Variants in NTN4 observed in about 807,000 individuals in gnomAD.
NTN4 encodes the protein netrin 4.
In NTN4, 32 loss-of-function variants were observed where a neutral mutation model predicts 73.6. The observed-to-expected ratio is 0.44, with a 90% CI of 0.33 to 0.58. The LOEUF (loss-of-function observed/expected upper bound fraction) is 0.58, where lower values mean the gene tolerates loss of function less well. Among genes scored for constraint, NTN4 ranks in the 20% least tolerant of loss-of-function variants. The pLI, the probability that NTN4 is intolerant of heterozygous loss-of-function variation, is 0.04. For synonymous variants in NTN4, 258 were observed against 287.5 expected (o/e 0.90, Z 1.04); for missense variants, 654 against 798.3 (o/e 0.82, Z 2.18).
intron 2 of NTN4, among the ~76,000 whole-genome samples, chr12:95,758,106 G>A (rs1037352277): frequency 6.6e-6 from 1 of 152,200 alleles, no homozygotes; most frequent in African/African-American, 2.4e-5. Flanking sequence ...CTTAGGAGAG[G>A]AATTGCTAGG....
intron 4 of NTN4, among the ~76,000 whole-genome samples, chr12:95,710,992 A>C (rs923308864): frequency 3.3e-5 from 5 of 152,216 alleles, no homozygotes; most frequent in Non-Finnish European, 7.3e-5. Flanking sequence ...TCTCAAAATA[A>C]ATAAATAAAT....
intron 2 of NTN4, among the ~76,000 whole-genome samples, chr12:95,777,941 C>T (rs551535753): frequency 4.5e-4 from 68 of 152,106 alleles, no homozygotes; most frequent in African/African-American, 1.6e-3. Context: ...TGTAAAAGAA[C>T]AGAAATTATA....
intron 2 of NTN4, among the ~76,000 whole-genome samples, chr12:95,742,292 G>T (rs911122802): frequency 1.2e-4 from 18 of 151,796 alleles, no homozygotes; most frequent in African/African-American, 4.4e-4. Flanking sequence ...TCAGGAGTTT[G>T]AGACCAGCCT....
At chr12:95,721,299 C>A (rs542404793) in intron 3 of NTN4, among the ~76,000 whole-genome samples, 1 of 152,288 alleles carries the variant, frequency 6.6e-6, no homozygotes, top group Admixed American at 6.5e-5. Flanking sequence ...ATTATCGGTT[C>A]TATTCCTCTG....
At chr12:95,720,931 C>T (rs772089111) in intron 3 of NTN4, among the ~76,000 whole-genome samples, 3 of 152,172 alleles carry the variant, frequency 2.0e-5, no homozygotes, top group East Asian at 1.9e-4. Context: ...TTCCTTTACA[C>T]GAAAACCCCA....
chr12:95,768,447 C>G (rs559916639), intron 2 of NTN4, among the ~76,000 whole-genome samples: 5 of 152,030 alleles, frequency 3.3e-5, no homozygotes, highest in South Asian at 2.1e-4. Context: ...AGCCCTCCCC[C>G]ACCAAGCCAA....
chr12:95,728,138 G>A (rs1170118102), intron 3 of NTN4, among the ~76,000 whole-genome samples: 1 of 152,062 alleles, frequency 6.6e-6, no homozygotes, highest in Non-Finnish European at 1.5e-5. Context: ...TTTTTGAAAT[G>A]TTGATCTTGT....
At chr12:95,698,735 T>TA (rs1361396378) in intron 5 of NTN4, among the ~76,000 whole-genome samples, 1 of 152,130 alleles carries the variant, frequency 6.6e-6, no homozygotes, top group Non-Finnish European at 1.5e-5. Flanking sequence ...CACATGCCTG[T>TA]AGTCCCAGCT....
At chr12:95,702,389 G>A (rs1304666990) in intron 5 of NTN4, among the ~76,000 whole-genome samples, 1 of 151,630 alleles carries the variant, frequency 6.6e-6, no homozygotes, top group Non-Finnish European at 1.5e-5. Context: ...TAAGAAGTAG[G>A]GAGGGATCTT....
intron 9 of NTN4, chr12:95,663,567 C>T (rs997228786): frequency 6.6e-6 from 1 of 152,118 alleles, no homozygotes; most frequent in Non-Finnish European, 1.5e-5. Flanking sequence ...CCAAAGTAGC[C>T]AAGGAAGCAG....
intron 8 of NTN4, among the ~76,000 whole-genome samples, chr12:95,667,345 C>T (rs891346105): frequency 9.9e-5 from 15 of 151,732 alleles, no homozygotes; most frequent in African/African-American, 3.1e-4. Flanking sequence ...CCACCACGCC[C>T]GGCTAATTTT....
intron 3 of NTN4, among the ~76,000 whole-genome samples, chr12:95,715,039 CT>C (rs1337281144): frequency 2.0e-5 from 3 of 152,046 alleles, no homozygotes; most frequent in Admixed American, 6.6e-5. Flanking sequence ...TCTTTTAATA[CT>C]TTCCTACCAC....
intron 2 of NTN4, among the ~76,000 whole-genome samples, chr12:95,768,120 T>C (rs1382905835): frequency 6.6e-6 from 1 of 152,166 alleles, no homozygotes; most frequent in East Asian, 1.9e-4. Flanking sequence ...CAATAGCTAT[T>C]GAATATGTCA....
chr12:95,665,829 A>G lies in NTN4; in HGVS notation c.1731T>C (p.Thr577=). Residue 577 remains threonine (T), a synonymous_variant, in exon 9 of 10, where the codon ACT becomes ACC. Coordinates refer to ENST00000343702, the MANE Select transcript of NTN4 (RefSeq NM_021229.4). ...YPESWTDRGC[T]CPILNPGLEY... ...ACTCACCAGGATTGAGGATTGGACAAGTGCATCCTCTGTCCGTCCATGATT... is the reference window on the plus strand; with the variant it reads ...ACTCACCAGGATTGAGGATTGGACAGGTGCATCCTCTGTCCGTCCATGATT... 1 of 1,613,716 alleles carries G rather than the reference A, an allele frequency of 6.2e-7. No individual in the cohort carries two copies. Among genetic ancestry groups the G allele is most frequent in the Non-Finnish European group, 8.5e-7 (1 of 1,179,738 alleles).
intron 7 of NTN4, chr12:95,671,077 C>A (rs1379685867): frequency 1.3e-5 from 2 of 152,150 alleles, no homozygotes; most frequent in Non-Finnish European, 2.9e-5. Flanking sequence ...CAGCTCATTG[C>A]AACCTCTGTC....
At chr12:95,691,056 C>A (rs2078397799) in intron 5 of NTN4, among the ~76,000 whole-genome samples, 1 of 152,280 alleles carries the variant, frequency 6.6e-6, no homozygotes, top group South Asian at 2.1e-4. Context: ...CTATGCAGAA[C>A]TAGCTCCAGG....
In NTN4 at chr12:95,737,726, T is replaced by C. The variant is rs1472097503; in HGVS notation, c.864+140A>G. On this transcript the variant is annotated intron_variant, in intron 3 of 9. Coordinates refer to ENST00000343702, the MANE Select transcript of NTN4 (RefSeq NM_021229.4). Reference sequence around the variant, plus strand: ...TTAAAAGACAAGTTAACAGGCACTTTATAGGATGAGTATGGAGTCGGAGCT... The same window carrying C: ...TTAAAAGACAAGTTAACAGGCACTTCATAGGATGAGTATGGAGTCGGAGCT... 6.9e-6 allele frequency: 5 copies of C among 726,256 alleles called. No individual in the cohort carries two copies. In the East Asian group the frequency reaches 1.1e-4, roughly 15 times the overall value. 45.0% of individuals were successfully genotyped at this position (726,256 alleles called of 1,614,324 possible). A position where few individuals can be genotyped will look rare whatever the true frequency, so the allele number is the denominator to read the frequency against.
At chr12:95,735,449 T>C (rs10507060) in intron 3 of NTN4, among the ~76,000 whole-genome samples, 34,895 of 152,044 alleles carry the variant, frequency 0.23, 4,456 homozygotes, top group Non-Finnish European at 0.3. Context: ...TTGAAATCAG[T>C]ATGAAAATGG....
At chr12:95,751,023 C>T (rs1450070254) in intron 2 of NTN4, among the ~76,000 whole-genome samples, 1 of 152,196 alleles carries the variant, frequency 6.6e-6, no homozygotes, top group Non-Finnish European at 1.5e-5. Context: ...ATATAAAAAC[C>T]CAGCCCAGTT....
Sources: gnomAD v4.1 joint callset for allele counts (sites outside exome capture counted in the v4.1 genomes callset) on GRCh38, gnomAD v4.1.1 for gene constraint, MANE v1.5 for transcripts, NCBI Gene and HGNC (gene_info 2026-07-23, HGNC 2026-07-21) for gene names.